Variants in CDK17 observed in about 807,000 individuals in gnomAD.
The protein encoded by CDK17 is cyclin dependent kinase 17, also known as cyclin-dependent kinase 17.
In CDK17, 24 loss-of-function variants were observed where a neutral mutation model predicts 77.6. That is an observed-to-expected ratio of 0.31 (90% CI 0.22 to 0.44). The LOEUF (loss-of-function observed/expected upper bound fraction) is 0.44, where lower values mean the gene tolerates loss of function less well. Among genes scored for constraint, CDK17 ranks in the 20% least tolerant of loss-of-function variants. The probability of loss-of-function intolerance (pLI) is 1.00; values close to 1 mark genes in which losing one functional copy is unlikely to be tolerated. For missense variants in CDK17, 429 were observed against 622.5 expected, an observed-to-expected ratio of 0.69 and a Z score of 3.31; for synonymous variants, 203 against 210.4, an observed-to-expected ratio of 0.96 and a Z score of 0.30.
chr12:96,393,301 G>A (rs2137249021), intron 1 of CDK17, among the ~76,000 whole-genome samples: 1 of 137,414 alleles, frequency 7.3e-6, no homozygotes, highest in East Asian at 2.1e-4. Flanking sequence ...GGAGGTGGAG[G>A]TTGCAGTGAG....
chr12:96,379,431 AT>A (rs34213175), intron 1 of CDK17, among the ~76,000 whole-genome samples: 52 of 148,852 alleles, frequency 3.5e-4, no homozygotes, highest in African/African-American at 5.4e-4. Context: ...TTTAAATCTA[AT>A]TTTTTTTTTT....
chr12:96,318,787 C>T lies in CDK17; in HGVS notation c.283+5161G>A, dbSNP rs1455088934. Among the ~76,000 whole-genome samples the T allele has an allele frequency of 1.7e-4, 23 of 135,360 alleles. No homozygotes were observed. The East Asian group carries it at 1.7e-3, about 10-fold the overall frequency. 88.8% of individuals were successfully genotyped at this position (135,360 alleles called of 152,430 possible). A position where few individuals can be genotyped will look rare whatever the true frequency, so the allele number is the denominator to read the frequency against. ...ACACAACATACCAGAATCTCTGGGA[C>T]GCATTCAAAGCAGTGTGTAGAGGGA... On this transcript the variant is annotated intron_variant, in intron 3 of 16. Coordinates refer to ENST00000261211, the MANE Select transcript of CDK17 (RefSeq NM_002595.5).
chr12:96,345,606 C>A (rs550790071), intron 1 of CDK17, among the ~76,000 whole-genome samples: 1 of 151,950 alleles, frequency 6.6e-6, no homozygotes, highest in Admixed American at 6.6e-5. Flanking sequence ...CTGCTGGGCA[C>A]ATAAAATATA....
intron 13 of CDK17, among the ~76,000 whole-genome samples, chr12:96,285,225 C>G (rs1043497842): frequency 6.6e-6 from 1 of 152,196 alleles, no homozygotes; most frequent in Non-Finnish European, 1.5e-5. Flanking sequence ...CTAAGAAAAT[C>G]TAGTTAGAAT....
chr12:96,335,388 C>T (rs1239222567), intron 1 of CDK17, among the ~76,000 whole-genome samples: 1 of 152,164 alleles, frequency 6.6e-6, no homozygotes, highest in Non-Finnish European at 1.5e-5. Context: ...TTTGTTTTTA[C>T]TTGTTAGGCT....
At chr12:96,392,402 A>G (rs1306362746) in intron 1 of CDK17, among the ~76,000 whole-genome samples, 1 of 152,234 alleles carries the variant, frequency 6.6e-6, no homozygotes, top group Non-Finnish European at 1.5e-5. Context: ...AGATACATAT[A>G]TAAACATAAA....
intron 1 of CDK17, among the ~76,000 whole-genome samples, chr12:96,361,754 G>C (rs975779501): frequency 6.6e-6 from 1 of 151,900 alleles, no homozygotes; most frequent in Non-Finnish European, 1.5e-5. Flanking sequence ...TTAAGAATTG[G>C]GGGAAAAAAA....
intron 1 of CDK17, among the ~76,000 whole-genome samples, chr12:96,395,537 G>C (rs1283082909): frequency 6.6e-6 from 1 of 152,150 alleles, no homozygotes; most frequent in Admixed American, 6.6e-5. Context: ...TTATTGTGAG[G>C]ATTTCACAAA....
chr12:96,368,778 G>A (rs190634640), intron 1 of CDK17, among the ~76,000 whole-genome samples: 63 of 130,652 alleles, frequency 4.8e-4, no homozygotes, highest in African/African-American at 1.8e-3. Context: ...CCTTGGAAGA[G>A]GAAATTTAGA....
chr12:96,332,081 T>C (rs1243582786), intron 2 of CDK17, among the ~76,000 whole-genome samples: 2 of 152,198 alleles, frequency 1.3e-5, no homozygotes, highest in African/African-American at 4.8e-5. Context: ...TTTCTATGTT[T>C]AGATACACTT....
intron 13 of CDK17, 30 bp downstream of exon 13, chr12:96,286,013 T>TC: frequency 9.4e-7 from 1 of 1,065,062 alleles, no homozygotes; most frequent in Non-Finnish European, 1.4e-6. Flanking sequence ...TCATGTGTTT[T>TC]CCCCCCTTTC....
At chr12:96,334,686 G>A (rs1415348574) in intron 2 of CDK17, 33 bp downstream of exon 2, 8 of 1,070,658 alleles carry the variant, frequency 7.5e-6, no homozygotes, top group Admixed American at 1.8e-5. Flanking sequence ...TAATTAAAAG[G>A]AGGAAGCATC....
chr12:96,279,912 T>C lies in CDK17; in HGVS notation c.*330A>G. ...ATTGTTGTGTTAAATAAACAGACAG[T>C]AGTTATTTAGCAGCAATGATTCCGC... On this transcript the variant is annotated 3_prime_UTR_variant, in exon 17 of 17. Coordinates refer to ENST00000261211, the MANE Select transcript of CDK17 (RefSeq NM_002595.5). The C allele has an allele frequency of 4.5e-6, 1 of 223,808 alleles. No individual in the cohort carries two copies. The highest frequency in any genetic ancestry group is 8.7e-6 in the Non-Finnish European group (1 of 115,294). The allele number at this position is 223,808 out of a possible 1,614,324, so 13.9% of individuals were successfully genotyped here. A position where few individuals can be genotyped will look rare whatever the true frequency, so the allele number is the denominator to read the frequency against.
chr12:96,318,668 T>C (rs1397815274), intron 3 of CDK17, among the ~76,000 whole-genome samples: 2 of 144,284 alleles, frequency 1.4e-5, no homozygotes, highest in African/African-American at 2.6e-5. Context: ...CTCAACTACA[T>C]GGAAACTGAA....
chr12:96,370,230 G>A (rs1291044509), intron 1 of CDK17, among the ~76,000 whole-genome samples: 1 of 152,158 alleles, frequency 6.6e-6, no homozygotes, highest in African/African-American at 2.4e-5. Context: ...ATTAGCAACT[G>A]TATATTGCTT....
chr12:96,301,251 AAAAAAAAAC>A (rs1351055723), intron 5 of CDK17, among the ~76,000 whole-genome samples: 1 of 147,956 alleles, frequency 6.8e-6, no homozygotes, highest in Non-Finnish European at 1.5e-5. Context: ...CAAAAAAAAA[AAAAAAAAAC>A]AAACAAACCC....
At chr12:96,289,535 C>G (rs573106354) in intron 10 of CDK17, among the ~76,000 whole-genome samples, 131 of 152,260 alleles carry the variant, frequency 8.6e-4, no homozygotes, top group Admixed American at 3.5e-3. Flanking sequence ...TTTGAATACA[C>G]CTGGTGAAGT....
At chr12:96,323,400 G>A (rs1369033058) in intron 3 of CDK17, among the ~76,000 whole-genome samples, 1 of 152,052 alleles carries the variant, frequency 6.6e-6, no homozygotes, top group Non-Finnish European at 1.5e-5. Flanking sequence ...GGGCTGCAGT[G>A]AGCTTCAATA....
At chr12:96,338,765 A>G (rs1251487351) in intron 1 of CDK17, among the ~76,000 whole-genome samples, 1 of 132,586 alleles carries the variant, frequency 7.5e-6, no homozygotes, top group Non-Finnish European at 1.6e-5. Flanking sequence ...GTCTGAAGCC[A>G]CTAAGGTTTT....
Sources: gnomAD v4.1 joint callset for allele counts (sites outside exome capture counted in the v4.1 genomes callset) on GRCh38, gnomAD v4.1.1 for gene constraint, MANE v1.5 for transcripts, NCBI Gene and HGNC (gene_info 2026-07-23, HGNC 2026-07-21) for gene names.